The following PPP1R21 variants were observed in gnomAD, a reference collection of about 807,000 sequenced individuals.
PPP1R21 encodes the protein protein phosphatase 1 regulatory subunit 21, also known as KLRAQ motif containing 1.
Under a neutral mutation model 112.8 loss-of-function variants are expected in PPP1R21, and 85 were observed. The ratio of observed to expected loss-of-function variants is 0.75; its 90% CI spans 0.63 to 0.90. The LOEUF (loss-of-function observed/expected upper bound fraction) is 0.90, where lower values mean the gene tolerates loss of function less well. PPP1R21 is among the 40% of genes least tolerant of loss of function. PPP1R21 has a pLI of 0.00. For synonymous variants in PPP1R21, 381 were observed against 322.3 expected (o/e 1.18, Z -1.95); for missense variants, 1,199 against 901.5 (o/e 1.33, Z -4.23).
chr2:48,466,730 A>T (rs999756535), intron 9 of PPP1R21, among the ~76,000 whole-genome samples: 2 of 152,164 alleles, frequency 1.3e-5, no homozygotes, highest in African/African-American at 4.8e-5. Flanking sequence ...GAAGAGAATG[A>T]CATGAACAAA....
chr2:48,456,152 G>T (rs1038255691), intron 3 of PPP1R21, among the ~76,000 whole-genome samples: 1 of 151,408 alleles, frequency 6.6e-6, no homozygotes, highest in Admixed American at 6.6e-5. Context: ...TTAGAGATGA[G>T]TTTTTTTGCC....
At chr2:48,443,385 G>A (rs988553957) in intron 1 of PPP1R21, among the ~76,000 whole-genome samples, 33 of 152,214 alleles carry the variant, frequency 2.2e-4, no homozygotes, top group Admixed American at 2.0e-3. Context: ...CATATTATTA[G>A]TATGAGGTAA....
intron 1 of PPP1R21, among the ~76,000 whole-genome samples, chr2:48,450,727 A>T (rs962463384): frequency 6.6e-6 from 1 of 151,900 alleles, no homozygotes; most frequent in African/African-American, 2.4e-5. Flanking sequence ...AGAAAGAGTG[A>T]CACACTAGAA....
At chr2:48,471,721 A>T (rs1296000872) in intron 11 of PPP1R21, among the ~76,000 whole-genome samples, 2 of 152,132 alleles carry the variant, frequency 1.3e-5, no homozygotes, top group East Asian at 3.8e-4. Flanking sequence ...TTTTGTTATT[A>T]GTGACTTGTT....
intron 20 of PPP1R21, 107 bp from the exon 21 acceptor site, chr2:48,511,233 G>C: frequency 9.2e-7 from 1 of 1,082,130 alleles, no homozygotes; most frequent in Non-Finnish European, 1.3e-6. Context: ...TAAATTATTG[G>C]GAAACTATAA....
chr2:48,469,469 C>CATAT lies in PPP1R21; in HGVS notation c.898-1606_898-1603dup, dbSNP rs146311511. Among the ~76,000 whole-genome samples the CATAT allele has an allele frequency of 3.2e-3, 187 of 58,478 alleles. 24 individuals are homozygous for CATAT. The highest frequency in any genetic ancestry group is 5.8e-3 in the African/African-American group (87 of 14,896). 38.4% of individuals were successfully genotyped at this position (58,478 alleles called of 152,430 possible). The stretch of plus-strand genomic sequence containing the variant: ...AGAGAGAGCATATATATATATAGAG[C>CATAT]ATATATATATATATAGAGCATATAT... On this transcript the variant is annotated intron_variant, in intron 9 of 21. Coordinates refer to ENST00000294952, the MANE Select transcript of PPP1R21 (RefSeq NM_001135629.3).
At chr2:48,468,449 T>C (rs900896606) in intron 9 of PPP1R21, among the ~76,000 whole-genome samples, 11 of 152,308 alleles carry the variant, frequency 7.2e-5, no homozygotes, top group African/African-American at 2.6e-4. Context: ...TCAGAAGATC[T>C]GGATAGGGAA....
intron 17 of PPP1R21, among the ~76,000 whole-genome samples, 154 bp from the exon 18 acceptor site, chr2:48,505,410 T>C (rs1670328807): frequency 1.3e-5 from 2 of 152,274 alleles, no homozygotes; most frequent in African/African-American, 4.8e-5. Flanking sequence ...CCTATCTTCA[T>C]GTCCTTGTAG....
chr2:48,445,086 T>C (rs1667191004), intron 1 of PPP1R21, among the ~76,000 whole-genome samples: 1 of 151,792 alleles, frequency 6.6e-6, no homozygotes, highest in Non-Finnish European at 1.5e-5. Context: ...CACCTACTTT[T>C]ATAGAGAAAT....
In PPP1R21 at chr2:48,459,919, G is replaced by T; in HGVS notation, c.540+1G>T. The T allele has an allele frequency of 6.2e-7, 1 of 1,613,236 alleles. No homozygotes were observed. Among genetic ancestry groups the T allele is most frequent in the East Asian group, 2.2e-5 (1 of 44,882 alleles). ...GCAGAACGACAAGGCTAAACTAGAA[G>T]TAAGCCCCATTGTGAGAGCACACTA... On this transcript the variant is annotated splice_donor_variant, in intron 5 of 21. Transcript: ENST00000294952. LOFTEE classifies it high-confidence loss of function.
chr2:48,457,934 AC>A (rs1667796163), intron 3 of PPP1R21, 191 bp from the exon 4 acceptor site: 1 of 550,878 alleles, frequency 1.8e-6, no homozygotes, highest in Non-Finnish European at 3.5e-6. Context: ...CCTGCTCCTT[AC>A]AATATTTGCA....
intron 16 of PPP1R21, among the ~76,000 whole-genome samples, chr2:48,496,597 C>A (rs531542065): frequency 1.3e-5 from 2 of 151,830 alleles, no homozygotes; most frequent in South Asian, 2.1e-4. Flanking sequence ...CCTCCAGAGT[C>A]GCTGGGATTA....
intron 13 of PPP1R21, 79 bp downstream of exon 13, chr2:48,480,095 A>G: frequency 1.0e-6 from 1 of 977,454 alleles, no homozygotes; most frequent in Non-Finnish European, 1.7e-6. Flanking sequence ...TTAAACAAAC[A>G]CTGCCAAGGG....
At chr2:48,469,176 C>T (rs549480794) in intron 9 of PPP1R21, among the ~76,000 whole-genome samples, 10 of 150,714 alleles carry the variant, frequency 6.6e-5, no homozygotes, top group Non-Finnish European at 1.3e-4. Flanking sequence ...CTGGACACCT[C>T]CCACAACATG....
At chr2:48,456,037 T>C (rs10195279) in intron 3 of PPP1R21, among the ~76,000 whole-genome samples, 1 of 18,258 alleles carries the variant, frequency 5.5e-5, no homozygotes, top group African/African-American at 2.4e-4. Flanking sequence ...AAAAAAAAAA[T>C]AGTAGCAGTT....
At chr2:48,459,324 A>G in intron 4 of PPP1R21, among the ~76,000 whole-genome samples, 1 of 152,188 alleles carries the variant, frequency 6.6e-6, no homozygotes, top group Admixed American at 6.5e-5. Context: ...TGTTTTAAGA[A>G]TAACACCTGT....
At chr2:48,497,143 G>A (rs1017702864) in intron 16 of PPP1R21, among the ~76,000 whole-genome samples, 49 of 152,314 alleles carry the variant, frequency 3.2e-4, no homozygotes, top group Admixed American at 2.8e-3. Context: ...GCATTTTTGG[G>A]AACTGAGCTC....
intron 20 of PPP1R21, 56 bp from the exon 21 acceptor site, chr2:48,511,284 T>C: frequency 2.6e-6 from 4 of 1,537,092 alleles, no homozygotes; most frequent in Non-Finnish European, 3.5e-6. Flanking sequence ...TTAAAAAAGC[T>C]TCAGAGTGGT....
intron 3 of PPP1R21, among the ~76,000 whole-genome samples, chr2:48,456,672 TCC>T (rs1429349825): frequency 1.3e-5 from 2 of 152,190 alleles, no homozygotes; most frequent in African/African-American, 4.8e-5. Context: ...ATAGAAGCAT[TCC>T]CGAGAGTGTT....
Sources: gnomAD v4.1 joint callset for allele counts (sites outside exome capture counted in the v4.1 genomes callset) on GRCh38, gnomAD v4.1.1 for gene constraint, MANE v1.5 for transcripts, NCBI Gene and HGNC (gene_info 2026-07-23, HGNC 2026-07-21) for gene names.